The following DAG1 variants were observed in gnomAD, a reference collection of about 807,000 sequenced individuals.
DAG1 encodes the protein dystroglycan 1.
In DAG1, 8 loss-of-function variants were observed where a neutral mutation model predicts 46.1. The ratio of observed to expected loss-of-function variants is 0.17; its 90% CI spans 0.10 to 0.31. The LOEUF (loss-of-function observed/expected upper bound fraction) is 0.31, where lower values mean the gene tolerates loss of function less well. Ranked by LOEUF, DAG1 falls within the 10% of genes least tolerant of loss-of-function variation. The pLI, the probability that DAG1 is intolerant of heterozygous loss-of-function variation, is 1.00. For missense variants in DAG1, 1,003 were observed against 1,189.9 expected (o/e 0.84, Z 2.31); for synonymous variants, 495 against 481.8 (o/e 1.03, Z -0.36).
At chr3:49,518,806 A>G (rs190076972) in intron 2 of DAG1, among the ~76,000 whole-genome samples, 50 of 152,368 alleles carry the variant, frequency 3.3e-4, no homozygotes, top group Non-Finnish European at 6.0e-4. Context: ...GGCTCCCTCA[A>G]GGTCCTCATG....
At chr3:49,478,502 G>GT (rs1298584005) in intron 1 of DAG1, among the ~76,000 whole-genome samples, 2 of 146,388 alleles carry the variant, frequency 1.4e-5, no homozygotes, top group Admixed American at 6.9e-5. Flanking sequence ...GGAAGCTGAG[G>GT]TGGGGGCATC....
intron 1 of DAG1, among the ~76,000 whole-genome samples, chr3:49,497,313 T>A (rs564761129): frequency 6.6e-6 from 1 of 151,858 alleles, no homozygotes; most frequent in South Asian, 2.1e-4. Flanking sequence ...AGTGGGCACC[T>A]ATAATCCCAG....
At chr3:49,476,154 C>T (rs1268317800) in intron 1 of DAG1, among the ~76,000 whole-genome samples, 3 of 152,068 alleles carry the variant, frequency 2.0e-5, no homozygotes, top group Admixed American at 1.3e-4. Context: ...TAAATCTGAA[C>T]GAACTTTAGC....
intron 1 of DAG1, among the ~76,000 whole-genome samples, chr3:49,475,384 G>T (rs577897504): frequency 6.7e-6 from 1 of 150,106 alleles, no homozygotes; most frequent in Non-Finnish European, 1.5e-5. Context: ...GATTACAGGC[G>T]TGAGCCACCT....
chr3:49,476,388 G>C (rs763791946), intron 1 of DAG1, among the ~76,000 whole-genome samples: 1 of 151,874 alleles, frequency 6.6e-6, no homozygotes, highest in Non-Finnish European at 1.5e-5. Context: ...TCAGGAGTTC[G>C]AGACCAGCCC....
In DAG1 at chr3:49,530,949, C is replaced by T. The variant is rs781763219; in HGVS notation, c.438C>T (p.Pro146=). 1 of 1,614,172 alleles carries T rather than the reference C, an allele frequency of 6.2e-7. No homozygotes were observed. The highest frequency in any genetic ancestry group is 1.1e-5 in the South Asian group (1 of 91,080). ...TRLGANGSHI[P]QTSSVFSIEV... is the part of the protein sequence containing the mutation. ...TGGGGGCCAACGGGAGCCACATCCC[C>T]CAGACCTCCAGTGTGTTCTCCATCG... Residue 146 remains proline (P), a synonymous_variant, in exon 3 of 3, where the codon CCC becomes CCT. Coordinates refer to ENST00000308775, the MANE Select transcript of DAG1 (RefSeq NM_004393.6).
In DAG1 at chr3:49,534,648, C is replaced by T. The variant is rs574501799; in HGVS notation, c.*1449C>T. On this transcript the variant is annotated 3_prime_UTR_variant, in exon 3 of 3. Transcript: ENST00000308775. ...TAATGGTTTAAATTCTGGAATTACA[C>T]TGGGGTTCTTTTGCCTTTTTTAGCA... The T allele has an allele frequency of 1.7e-4, 26 of 152,686 alleles. No individual in the cohort carries two copies. Among genetic ancestry groups the T allele is most frequent in the African/African-American group, 6.0e-4 (25 of 41,536 alleles). 9.5% of individuals were successfully genotyped at this position (152,686 alleles called of 1,614,324 possible).
chr3:49,522,232 A>G (rs1289375916), intron 2 of DAG1, among the ~76,000 whole-genome samples: 1 of 151,918 alleles, frequency 6.6e-6, no homozygotes, highest in South Asian at 2.1e-4. Context: ...GGGTTTCACC[A>G]TGTTGGCCAG....
intron 1 of DAG1, among the ~76,000 whole-genome samples, chr3:49,508,832 A>G (rs1169206833): frequency 1.3e-5 from 2 of 152,202 alleles, no homozygotes; most frequent in African/African-American, 4.8e-5. Flanking sequence ...CCCGCCCGCC[A>G]GGCCTCAAAG....
At chr3:49,482,490 G>A (rs2049914485) in intron 1 of DAG1, among the ~76,000 whole-genome samples, 1 of 152,196 alleles carries the variant, frequency 6.6e-6, no homozygotes, top group African/African-American at 2.4e-5. Context: ...GCCCTATGGG[G>A]GGAGGCGAGA....
chr3:49,505,578 G>A (rs1186519775), intron 1 of DAG1, among the ~76,000 whole-genome samples: 1 of 152,116 alleles, frequency 6.6e-6, no homozygotes, highest in African/African-American at 2.4e-5. Context: ...AGGACTATAA[G>A]GAGTTTTCTT....
chr3:49,486,288 G>A (rs529992746), intron 1 of DAG1, among the ~76,000 whole-genome samples: 6 of 150,964 alleles, frequency 4.0e-5, no homozygotes, highest in Middle Eastern at 3.4e-3. Context: ...GTACTATCTC[G>A]GCTCACTGCA....
intron 1 of DAG1, among the ~76,000 whole-genome samples, chr3:49,475,467 G>A (rs1261997338): frequency 1.5e-5 from 2 of 131,248 alleles, no homozygotes; most frequent in Admixed American, 7.8e-5. Flanking sequence ...AGTGCATGGC[G>A]CGATCTTGGC....
intron 2 of DAG1, among the ~76,000 whole-genome samples, chr3:49,521,941 C>A (rs1184010875): frequency 6.6e-6 from 1 of 152,186 alleles, no homozygotes; most frequent in Non-Finnish European, 1.5e-5. Flanking sequence ...TCTCCACCTC[C>A]CGGGTTCAAG....
chr3:49,531,853 A>G lies in DAG1; in HGVS notation c.1342A>G (p.Arg448Gly). ...STDSTTTTTR[R>G]PTKKPRTPRP... ...TGACTCCACCACCACCACGACTCGC[A>G]GGCCAACCAAGAAACCACGGACACC... Residue 448 changes from arginine (R) to glycine (G), a missense_variant, in exon 3 of 3, where the codon AGG becomes GGG. Physicochemically the swap from Arg to Gly is moderately radical, Grantham distance 125. Transcript: ENST00000308775. This position sits in a 1 kb window ranked among gnomAD's most constrained non-coding sequence, Gnocchi z 7.0. 1 of 1,613,816 alleles carries G rather than the reference A, an allele frequency of 6.2e-7. No individual in the cohort carries two copies. The highest frequency in any genetic ancestry group is 8.5e-7 in the Non-Finnish European group (1 of 1,179,982).
At position 49,532,879 on chromosome 3, in the gene DAG1, A is replaced by G. The variant is rs780767886; in HGVS notation, c.2368A>G (p.Thr790Ala). ...CAAGCTTACCCTTGAGGACCAGGCC[A>G]CCTTCATCAAGAAGGGGGTGCCTAT... ...KGKLTLEDQATFIKKGVPIIF... is the reference protein window; with the variant it reads ...KGKLTLEDQAAFIKKGVPIIF... Residue 790 changes from threonine (T) to alanine (A), a missense_variant, in exon 3 of 3, where the codon ACC (threonine) becomes GCC (alanine). By Grantham distance (58) the Thr-to-Ala change is moderately conservative. This residue lies in a region of DAG1 where 755 missense variants were observed against 854.1 expected (regional missense o/e 0.88). Coordinates refer to ENST00000308775, the MANE Select transcript of DAG1 (RefSeq NM_004393.6). The surrounding 1 kb of genome is among the most constrained non-coding windows in gnomAD (Gnocchi z 5.4). The G allele has an allele frequency of 6.2e-7, 1 of 1,614,074 alleles. No individual in the cohort carries two copies. Among genetic ancestry groups the G allele is most frequent in the South Asian group, 1.1e-5 (1 of 91,078 alleles).
intron 1 of DAG1, chr3:49,487,307 C>G (rs1161354019): frequency 6.6e-6 from 1 of 152,268 alleles, no homozygotes; most frequent in Non-Finnish European, 1.5e-5. Flanking sequence ...GACGGTTCTT[C>G]CCCCAGTACG....
At chr3:49,518,128 C>T (rs1199870234) in intron 2 of DAG1, among the ~76,000 whole-genome samples, 2 of 152,066 alleles carry the variant, frequency 1.3e-5, no homozygotes, top group East Asian at 3.9e-4. Context: ...CCTCCTAAGC[C>T]CCATGTGGGA....
At chr3:49,499,216 G>C (rs3870340) in intron 1 of DAG1, among the ~76,000 whole-genome samples, 148,618 of 152,268 alleles carry the variant, frequency 0.98, 72,642 homozygotes, top group Middle Eastern at 1. Context: ...GAGAGCTGTT[G>C]TTTCAGAGTT....
Sources: gnomAD v4.1 joint callset for allele counts (sites outside exome capture counted in the v4.1 genomes callset) on GRCh38, gnomAD v4.1.1 for gene constraint, gnomAD v4.1.1 regional missense constraint, Gnocchi (gnomAD v3.1) non-coding constraint, MANE v1.5 for transcripts, NCBI Gene and HGNC (gene_info 2026-07-23, HGNC 2026-07-21) for gene names.